NEDD8: variants seen among roughly 807,000 people sequenced by gnomAD.
NEDD8 encodes ubiquitin-like protein NEDD8.
NEDD8 carries 1 observed loss-of-function variant against 13.8 expected under a neutral mutation model. The ratio of observed to expected loss-of-function variants is 0.07; its 90% confidence interval spans 0.03 to 0.34. The LOEUF is 0.34. NEDD8 is among the 10% of genes least tolerant of loss of function. The pLI is 0.99. For synonymous variants in NEDD8, 31 were observed against 33.2 expected (o/e 0.93, Z 0.23); for missense variants, 10 against 95.2 (o/e 0.10, Z 3.73).
intron 1 of NEDD8, among the ~76,000 whole-genome samples, chr14:24,224,680 C>T (rs1594488925): frequency 6.6e-6 from 1 of 152,098 alleles, no homozygotes; most frequent in Admixed American, 6.6e-5. Context: ...CAGCTTGTAA[C>T]CCCCAATGAA....
chr14:24,222,959 G>A (rs537218758), intron 1 of NEDD8, among the ~76,000 whole-genome samples: 2 of 151,890 alleles, frequency 1.3e-5, no homozygotes, highest in South Asian at 2.1e-4. Context: ...GGTGGTGGGC[G>A]CCTGTAGTCC....
intron 1 of NEDD8, among the ~76,000 whole-genome samples, chr14:24,229,909 A>AAT (rs2039961592): frequency 4.6e-5 from 7 of 151,946 alleles, no homozygotes; most frequent in Non-Finnish European, 1.0e-4. Flanking sequence ...CGTTTCTACT[A>AAT]AAAATACAAA....
intron 1 of NEDD8, among the ~76,000 whole-genome samples, chr14:24,230,169 A>C (rs904178666): frequency 6.6e-6 from 1 of 150,562 alleles, no homozygotes; most frequent in African/African-American, 2.4e-5. Flanking sequence ...ATATACATAT[A>C]AAATAAAATA....
intron 1 of NEDD8, among the ~76,000 whole-genome samples, chr14:24,224,158 TG>T (rs1026206802): frequency 7.2e-5 from 11 of 152,206 alleles, no homozygotes; most frequent in African/African-American, 2.7e-4. Flanking sequence ...CTCGATCTCC[TG>T]ACCTTGTGAT....
At position 24,232,253 on chromosome 14, in the gene NEDD8, C is replaced by T; in HGVS notation, c.15G>A (p.Val5=). 2 of 1,614,178 alleles carry T rather than the reference C, an allele frequency of 1.2e-6. No individual in the cohort carries two copies. The highest frequency in any genetic ancestry group is 1.7e-6 in the Non-Finnish European group (2 of 1,180,012). The change falls in exon 1 of 4, where the codon GTG becomes GTA. Residue 5 remains valine (V), a synonymous_variant. Coordinates refer to ENST00000250495, the MANE Select transcript of NEDD8 (RefSeq NM_006156.3). ...GCAAGGCTGGAGGTGCTCCCACCTT[C>T]ACTTTAATTAGCATCTTCTTTCCAG... MLIK[V]KTLTGKEIEI...
Position 24,232,315 on chromosome 14 carries a change from G to T in NEDD8, c.-48C>A, listed in dbSNP as rs1441953764. On this transcript the variant is annotated 5_prime_UTR_variant, in exon 1 of 4. Coordinates refer to ENST00000250495, the MANE Select transcript of NEDD8 (RefSeq NM_006156.3). The stretch of plus-strand genomic sequence containing the variant: ...ACACGGATAAATTGCTGCTCCTACC[G>T]CTCCGGTCGCCGCTGCCGCCCTCCA... 2 of 1,596,584 alleles carry T rather than the reference G, an allele frequency of 1.3e-6. No homozygotes were observed. Among genetic ancestry groups the T allele is most frequent in the Non-Finnish European group, 8.5e-7 (1 of 1,173,636 alleles).
intron 1 of NEDD8, among the ~76,000 whole-genome samples, chr14:24,221,136 A>G (rs1242155349): frequency 1.3e-5 from 2 of 152,224 alleles, no homozygotes; most frequent in East Asian, 3.8e-4. Flanking sequence ...GTAAAATGAG[A>G]AAAGCAGTGT....
At chr14:24,222,813 G>A (rs1594486480) in intron 1 of NEDD8, among the ~76,000 whole-genome samples, 1 of 152,084 alleles carries the variant, frequency 6.6e-6, no homozygotes, top group South Asian at 2.1e-4. Flanking sequence ...ATGGGGCTGG[G>A]TGCGGTGGCT....
chr14:24,217,447 G>A (rs28482359), intron 3 of NEDD8, among the ~76,000 whole-genome samples: 2,653 of 151,926 alleles, frequency 0.017, 77 homozygotes, highest in African/African-American at 0.058. Flanking sequence ...CCACCACCAC[G>A]CCCAGCTAAT....
chr14:24,218,106 AT>A lies in NEDD8; in HGVS notation c.149+26del, dbSNP rs778802671. On this transcript the variant is annotated intron_variant, in intron 3 of 3. Coordinates refer to ENST00000250495, the MANE Select transcript of NEDD8 (RefSeq NM_006156.3). The stretch of plus-strand genomic sequence containing the variant: ...CTTCTCATCTTCACATAAGATCGCC[AT>A]GCTGTCATTCTCACTCCAAACTCAC... 6.8e-6 allele frequency: 11 copies of A among 1,613,812 alleles called. No individual in the cohort carries two copies. In the Admixed American group the frequency reaches 1.8e-4, roughly 27 times the overall value.
Position 24,232,326 on chromosome 14 carries a change from C to T in NEDD8, c.-59G>A, listed in dbSNP as rs2040062246. On this transcript the variant is annotated 5_prime_UTR_variant, in exon 1 of 4. Coordinates refer to ENST00000250495, the MANE Select transcript of NEDD8 (RefSeq NM_006156.3). ...TTGCTGCTCCTACCGCTCCGGTCGC[C>T]GCTGCCGCCCTCCAGCACTCTTGCC... is the stretch of plus-strand genomic sequence containing the variant. The T allele has an allele frequency of 2.5e-6, 4 of 1,608,268 alleles. No individual in the cohort carries two copies. Among genetic ancestry groups the T allele is most frequent in the Non-Finnish European group, 3.4e-6 (4 of 1,177,366 alleles).
rs748415631 is a variant in NEDD8 at position 24,218,221 on chromosome 14, G to C, written c.67-6C>G. On this transcript the variant is annotated splice_polypyrimidine_tract_variant and splice_region_variant and intron_variant, in intron 2 of 3. Transcript: ENST00000250495. Reference sequence around the variant, plus strand: ...CGCTCCTTGATTCGCTCCACCTTTAGAGAGACAAGTAGTCAGGGGCTGCTG... The same window carrying C: ...CGCTCCTTGATTCGCTCCACCTTTACAGAGACAAGTAGTCAGGGGCTGCTG... The C allele has an allele frequency of 1.2e-6, 2 of 1,614,158 alleles. No homozygotes were observed. Among genetic ancestry groups the C allele is most frequent in the Non-Finnish European group, 1.7e-6 (2 of 1,180,040 alleles).
intron 1 of NEDD8, chr14:24,218,695 CA>C (rs1472580724): frequency 1.8e-6 from 1 of 552,710 alleles, no homozygotes; most frequent in Admixed American, 3.2e-5. Context: ...ATCAGTCCCC[CA>C]AAATCAGTGA....
chr14:24,223,085 CAAAAAAAA>C (rs71426836), intron 1 of NEDD8, among the ~76,000 whole-genome samples: 26 of 75,616 alleles, frequency 3.4e-4, no homozygotes, highest in South Asian at 1.7e-3. Context: ...GACTGCATTT[CAAAAAAAA>C]AAAAAAAAAA....
chr14:24,223,085 CAAAAA>C (rs71426836), intron 1 of NEDD8, among the ~76,000 whole-genome samples: 1,041 of 75,586 alleles, frequency 0.014, 10 homozygotes, highest in African/African-American at 0.038. Flanking sequence ...GACTGCATTT[CAAAAA>C]AAAAAAAAAA....
chr14:24,225,603 T>C (rs1175491351), intron 1 of NEDD8, among the ~76,000 whole-genome samples: 1 of 152,178 alleles, frequency 6.6e-6, no homozygotes, highest in Non-Finnish European at 1.5e-5. Context: ...GGATGAAGGG[T>C]GCATACACCC....
At chr14:24,224,928 G>A (rs968008071) in intron 1 of NEDD8, among the ~76,000 whole-genome samples, 17 of 152,222 alleles carry the variant, frequency 1.1e-4, no homozygotes, top group Non-Finnish European at 2.5e-4. Flanking sequence ...GGAGGCCGAG[G>A]TGGGCGGGTC....
intron 3 of NEDD8, chr14:24,217,569 C>A (rs757318885): frequency 9.1e-6 from 2 of 218,790 alleles, no homozygotes; most frequent in Non-Finnish European, 1.9e-5. Context: ...GGATTACAGG[C>A]GTGAGCCACT....
intron 1 of NEDD8, chr14:24,226,835 T>G (rs757032714): frequency 1.4e-4 from 21 of 152,322 alleles, no homozygotes; most frequent in Middle Eastern, 3.4e-3. Context: ...CATTCTTAGG[T>G]ATTTATCCAA....
Sources: allele counts gnomAD v4.1 joint callset (sites outside exome capture counted in the v4.1 genomes callset), GRCh38; gene constraint gnomAD v4.1.1; transcripts MANE v1.5; gene names NCBI Gene and HGNC (gene_info 2026-07-23, HGNC 2026-07-21).